Variants in CCDC112 observed in about 807,000 individuals in gnomAD.
The protein encoded by CCDC112 is coiled-coil domain containing 112.
In CCDC112, 40 loss-of-function variants were observed where a neutral mutation model predicts 66.3. That is an observed-to-expected ratio of 0.60 (90% CI 0.47 to 0.79). The LOEUF is 0.79. Among genes scored for constraint, CCDC112 ranks in the 30% least tolerant of loss-of-function variants. The pLI, the probability that CCDC112 is intolerant of heterozygous loss-of-function variation, is 0.00. For missense variants in CCDC112, 659 were observed against 603.8 expected (o/e 1.09, Z -0.96); for synonymous variants, 214 against 197.2 (o/e 1.09, Z -0.71).
chr5:115,278,331 T>C (rs1018253756), intron 3 of CCDC112, among the ~76,000 whole-genome samples: 5 of 152,092 alleles, frequency 3.3e-5, no homozygotes, highest in African/African-American at 9.7e-5. Context: ...AGGTATGCTA[T>C]TGGAGGTAAG....
At chr5:115,272,639 CAA>C (rs1749054470) in intron 6 of CCDC112, among the ~76,000 whole-genome samples, 1 of 152,194 alleles carries the variant, frequency 6.6e-6, no homozygotes, top group Non-Finnish European at 1.5e-5. Context: ...AAAATTATTT[CAA>C]ATTCTAGCAG....
chr5:115,271,434 T>C lies in CCDC112; in HGVS notation c.1111A>G (p.Met371Val), dbSNP rs34508935. The C allele has an allele frequency of 1.7e-5, 27 of 1,610,144 alleles. No homozygotes were observed. The African/African-American group carries it at 3.2e-4, about 19-fold the overall frequency. The change falls in exon 7 of 10, where the codon ATG (methionine) becomes GTG (valine). Residue 371 changes from methionine to valine, a missense_variant. Transcript: ENST00000379611. ...WKKQKSIEMS[M>V]KCASQLKEEE... Reference sequence around the variant, plus strand: ...TCTTTTAACTGGGAAGCACATTTCATTGACATTTCTATACTTTTCTGTTTC... The same window carrying C: ...TCTTTTAACTGGGAAGCACATTTCACTGACATTTCTATACTTTTCTGTTTC...
intron 2 of CCDC112, among the ~76,000 whole-genome samples, chr5:115,281,346 T>C (rs1187533671): frequency 6.6e-6 from 1 of 152,116 alleles, no homozygotes; most frequent in Non-Finnish European, 1.5e-5. Context: ...AAATTTAATA[T>C]TCATAAGACA....
Position 115,284,824 on chromosome 5 carries a change from C to G in CCDC112, c.202G>C (p.Ala68Pro), listed in dbSNP as rs1285208085. Residue 68 changes from alanine to proline, a missense_variant, in exon 2 of 10, where the codon GCA (alanine) becomes CCA (proline). Physicochemically the swap from Ala to Pro is conservative, Grantham distance 27. Transcript: ENST00000379611. ...WKQKVNQTKKAEFVRTAEKFK... is the reference protein window; with the variant it reads ...WKQKVNQTKKPEFVRTAEKFK... ...TTTTCTGCTGTGCGTACAAATTCTG[C>G]TTTCTTAGTCTGATTAACTTTCTGC... The G allele has an allele frequency of 9.9e-6, 16 of 1,610,756 alleles. No individual in the cohort carries two copies. The highest frequency in any genetic ancestry group is 1.3e-5 in the African/African-American group (1 of 74,824).
At position 115,271,305 on chromosome 5, in the gene CCDC112, A is replaced by C; in HGVS notation, c.1240T>G (p.Phe414Val). Reference sequence around the variant, plus strand: ...CTTATCTCCTTTTCAAGCCTCAAAAATTCTTCCTGTTCTTTCTTCTGCTGG... The same window carrying C: ...CTTATCTCCTTTTCAAGCCTCAAAACTTCTTCCTGTTCTTTCTTCTGCTGG... ...YTQQKKEQEE[F>V]LRLEKEIREK... The change falls in exon 7 of 10, where the codon TTT becomes GTT. Residue 414 changes from phenylalanine (F) to valine (V), a missense_variant. By Grantham distance (50) the Phe-to-Val change is conservative. Transcript: ENST00000379611. The C allele has an allele frequency of 6.2e-7, 1 of 1,611,832 alleles. No homozygotes were observed. The highest frequency in any genetic ancestry group is 8.5e-7 in the Non-Finnish European group (1 of 1,179,580).
chr5:115,296,608 C>A lies in CCDC112; in HGVS notation c.-65G>T. The A allele has an allele frequency of 1.4e-6, 2 of 1,394,462 alleles. No homozygotes were observed. The highest frequency in any genetic ancestry group is 1.9e-6 in the Non-Finnish European group (2 of 1,078,296). The allele number at this position is 1,394,462 out of a possible 1,614,324, so 86.4% of individuals were successfully genotyped here. A position where few individuals can be genotyped will look rare whatever the true frequency, so the allele number is the denominator to read the frequency against. The stretch of plus-strand genomic sequence containing the variant: ...TGCCTGGGGATTCGTGGCAGGCGCA[C>A]CCTGGCCTCTGCAGACAGCTCCCTG... On this transcript the variant is annotated 5_prime_UTR_variant, in exon 1 of 10. Coordinates refer to ENST00000379611, the MANE Select transcript of CCDC112 (RefSeq NM_001040440.3).
intron 6 of CCDC112, 110 bp downstream of exon 6, chr5:115,275,106 A>G: frequency 1.2e-6 from 1 of 850,736 alleles, no homozygotes; most frequent in Non-Finnish European, 1.8e-6. Flanking sequence ...GCGGGGAACT[A>G]TAAACACACT....
At chr5:115,272,574 T>C (rs996255451) in intron 6 of CCDC112, among the ~76,000 whole-genome samples, 1 of 152,200 alleles carries the variant, frequency 6.6e-6, no homozygotes, top group Non-Finnish European at 1.5e-5. Flanking sequence ...TATGTATAAA[T>C]AAATAAATAA....
chr5:115,275,633 TAA>T (rs780869106), intron 5 of CCDC112, 27 bp from the exon 6 acceptor site: 1 of 1,461,282 alleles, frequency 6.8e-7, no homozygotes, highest in Non-Finnish European at 9.3e-7. Context: ...AAAGTTTGAA[TAA>T]GAAGACAATC....
chr5:115,279,566 A>G (rs1205039655), intron 3 of CCDC112, 81 bp downstream of exon 3: 1 of 1,342,860 alleles, frequency 7.4e-7, no homozygotes, highest in African/African-American at 1.4e-5. Flanking sequence ...CAATACAGTC[A>G]ATGCACAAAG....
At chr5:115,292,948 G>A (rs1749997089) in intron 1 of CCDC112, among the ~76,000 whole-genome samples, 1 of 152,180 alleles carries the variant, frequency 6.6e-6, no homozygotes, top group Admixed American at 6.5e-5. Context: ...AGCTTCTTAG[G>A]TCTTTCCTGG....
At chr5:115,275,699 T>C in intron 5 of CCDC112, 93 bp from the exon 6 acceptor site, 1 of 869,294 alleles carries the variant, frequency 1.2e-6, no homozygotes, top group South Asian at 1.9e-5. Context: ...CTTTATATCA[T>C]CTTCTCCACT....
At chr5:115,274,360 A>G (rs1749116533) in intron 6 of CCDC112, among the ~76,000 whole-genome samples, 2 of 152,198 alleles carry the variant, frequency 1.3e-5, no homozygotes, top group South Asian at 4.1e-4. Context: ...AGCCAGAGTA[A>G]TATTTTTGTA....
chr5:115,277,931 G>C (rs1424769330), intron 3 of CCDC112, among the ~76,000 whole-genome samples: 1 of 151,970 alleles, frequency 6.6e-6, no homozygotes, highest in Admixed American at 6.6e-5. Flanking sequence ...AAGCACCAAA[G>C]GCTCTGTACA....
chr5:115,283,714 C>A (rs1313448775), intron 2 of CCDC112, among the ~76,000 whole-genome samples: 1 of 152,074 alleles, frequency 6.6e-6, no homozygotes, highest in Non-Finnish European at 1.5e-5. Flanking sequence ...AAAATTCTAA[C>A]AGTACACTTT....
At chr5:115,271,093 G>C (rs546654685) in intron 7 of CCDC112, 120 bp downstream of exon 7, 47 of 826,422 alleles carry the variant, frequency 5.7e-5, no homozygotes, top group Non-Finnish European at 7.7e-5. Flanking sequence ...TACTCATTTT[G>C]GTATACTAAT....
chr5:115,290,173 A>C (rs763802673), intron 1 of CCDC112, among the ~76,000 whole-genome samples: 1 of 152,214 alleles, frequency 6.6e-6, no homozygotes, highest in Non-Finnish European at 1.5e-5. Flanking sequence ...TTTTTCAAAT[A>C]TGGTGTGAGG....
intron 9 of CCDC112, among the ~76,000 whole-genome samples, chr5:115,268,402 T>C (rs1748848091): frequency 6.6e-6 from 1 of 151,930 alleles, no homozygotes; most frequent in Admixed American, 6.6e-5. Context: ...CCCAAGTACC[T>C]GGGACTACAG....
In CCDC112 at chr5:115,267,860, T is replaced by C. The variant is rs1748801211; in HGVS notation, c.*16A>G. The C allele has an allele frequency of 6.2e-7, 1 of 1,601,404 alleles. No individual in the cohort carries two copies. Among genetic ancestry groups the C allele is most frequent in the Non-Finnish European group, 8.6e-7 (1 of 1,168,630 alleles). ...TATGTTAACATTCTTATCAACTGAG[T>C]AGCAATTTGATTATCTCATACTCTT... On this transcript the variant is annotated 3_prime_UTR_variant, in exon 10 of 10. Transcript: ENST00000379611.
Sources: gnomAD v4.1 joint callset for allele counts (sites outside exome capture counted in the v4.1 genomes callset) on GRCh38, gnomAD v4.1.1 for gene constraint, MANE v1.5 for transcripts, NCBI Gene and HGNC (gene_info 2026-07-23, HGNC 2026-07-21) for gene names.